The following POU2AF2 variants were observed in gnomAD, a reference collection of about 807,000 sequenced individuals.
The protein encoded by POU2AF2 is POU domain class 2-associating factor 2.
chr11:111,247,191 C>CACACAGAG, the POU2AF2 span, among the ~76,000 whole-genome samples: 1 of 144,762 alleles, frequency 6.9e-6, no homozygotes, highest in Non-Finnish European at 1.5e-5. Flanking sequence ...TACACACACA[C>CACACAGAG]AGAGAGAGAG....
the POU2AF2 span, chr11:111,284,145 G>A: frequency 1.9e-6 from 3 of 1,614,036 alleles, no homozygotes; most frequent in African/African-American, 4.0e-5. Flanking sequence ...TTCCACAACA[G>A]TAAACAGTTT....
At chr11:111,282,933 C>G in the POU2AF2 span, among the ~76,000 whole-genome samples, 6 of 152,100 alleles carry the variant, frequency 3.9e-5, no homozygotes, top group East Asian at 3.8e-4. Context: ...AACTGAGCTA[C>G]GGGGTCAGAA....
chr11:111,252,020 A>T, the POU2AF2 span, among the ~76,000 whole-genome samples: 1 of 152,278 alleles, frequency 6.6e-6, no homozygotes, highest in East Asian at 1.9e-4. Flanking sequence ...TTTTTGGCAT[A>T]CACATAAAGT....
At chr11:111,268,740 G>C in the POU2AF2 span, among the ~76,000 whole-genome samples, 1 of 151,520 alleles carries the variant, frequency 6.6e-6, no homozygotes. Context: ...TAGAGACGGG[G>C]TTTCACGGTA....
the POU2AF2 span, among the ~76,000 whole-genome samples, chr11:111,280,057 A>AAAAAAATATATATAT: frequency 3.0e-4 from 23 of 76,496 alleles, no homozygotes; most frequent in Non-Finnish European, 5.3e-4. Flanking sequence ...AAAAAAAAAA[A>AAAAAAATATATATAT]ATATATATAT....
the POU2AF2 span, among the ~76,000 whole-genome samples, chr11:111,267,835 T>C: frequency 1.3e-5 from 2 of 152,194 alleles, no homozygotes; most frequent in Non-Finnish European, 2.9e-5. Flanking sequence ...GGGAGAATAC[T>C]TTCCTTAAGG....
chr11:111,259,147 C>A, the POU2AF2 span, among the ~76,000 whole-genome samples: 2 of 152,156 alleles, frequency 1.3e-5, no homozygotes, highest in East Asian at 3.9e-4. Flanking sequence ...GTTTAAAGGG[C>A]ACTTTCTCAT....
At chr11:111,281,582 G>A in the POU2AF2 span, 17 of 917,846 alleles carry the variant, frequency 1.9e-5, no homozygotes, top group African/African-American at 8.4e-5. Flanking sequence ...CAAAATCAGC[G>A]AAGGACAGAA....
At chr11:111,247,915 G>T in the POU2AF2 span, among the ~76,000 whole-genome samples, 4 of 105,296 alleles carry the variant, frequency 3.8e-5, no homozygotes, top group East Asian at 3.0e-4. Flanking sequence ...GTCTCGCTTT[G>T]TCGCTCAGGC....
chr11:111,246,237 A>G, the POU2AF2 span, among the ~76,000 whole-genome samples: 28 of 152,338 alleles, frequency 1.8e-4, no homozygotes, highest in East Asian at 4.2e-3. Flanking sequence ...AACTATAGAG[A>G]AAGTGCAGAA....
At chr11:111,280,057 A>AAAAT in the POU2AF2 span, among the ~76,000 whole-genome samples, 2 of 76,498 alleles carry the variant, frequency 2.6e-5, no homozygotes, top group Non-Finnish European at 5.1e-5. Flanking sequence ...AAAAAAAAAA[A>AAAAT]ATATATATAT....
the POU2AF2 span, among the ~76,000 whole-genome samples, chr11:111,271,847 T>A: frequency 6.6e-6 from 1 of 151,772 alleles, no homozygotes; most frequent in Non-Finnish European, 1.5e-5. Flanking sequence ...ACCCCGTCTC[T>A]ACTAAATACA....
chr11:111,281,327 G>A, the POU2AF2 span: 2 of 1,298,496 alleles, frequency 1.5e-6, no homozygotes, highest in South Asian at 1.3e-5. Flanking sequence ...AGCTTATAAG[G>A]TGTATTCCTA....
At chr11:111,282,016 G>A in the POU2AF2 span, among the ~76,000 whole-genome samples, 1 of 152,046 alleles carries the variant, frequency 6.6e-6, no homozygotes, top group Non-Finnish European at 1.5e-5. Context: ...AAGAGCAATC[G>A]AGGATCCCGA....
chr11:111,276,458 A>ATATATATATATATG, the POU2AF2 span, among the ~76,000 whole-genome samples: 11 of 46,460 alleles, frequency 2.4e-4, no homozygotes, highest in Non-Finnish European at 4.9e-4. Flanking sequence ...AAAAAAATAT[A>ATATATATATATATG]TATATATATA....
chr11:111,268,477 T>TTTTTATTTTATTTTATTTTATTTTA, the POU2AF2 span, among the ~76,000 whole-genome samples: 16 of 77,518 alleles, frequency 2.1e-4, no homozygotes, highest in African/African-American at 5.2e-4. Context: ...CATTTTTCTT[T>TTTTTATTTTATTTTATTTTATTTTA]TTTTATTTTA....
chr11:111,265,637 C>T, the POU2AF2 span, among the ~76,000 whole-genome samples: 1 of 152,022 alleles, frequency 6.6e-6, no homozygotes, highest in Non-Finnish European at 1.5e-5. Flanking sequence ...CATATGGCAG[C>T]TTTTATGGTT....
the POU2AF2 span, among the ~76,000 whole-genome samples, chr11:111,246,805 T>G: frequency 2.0e-5 from 3 of 152,204 alleles, no homozygotes; most frequent in African/African-American, 7.2e-5. Context: ...TGTCACTTAG[T>G]TACTTTTTTG....
chr11:111,246,157 A>G, the POU2AF2 span, among the ~76,000 whole-genome samples: 1 of 152,256 alleles, frequency 6.6e-6, no homozygotes, highest in Non-Finnish European at 1.5e-5. Flanking sequence ...TAAAATAAGT[A>G]CTTGAATATC....
Sources: gnomAD v4.1 joint callset for allele counts (sites outside exome capture counted in the v4.1 genomes callset) on GRCh38, gnomAD v4.1.1 for gene constraint, MANE v1.5 for transcripts, NCBI Gene and HGNC (gene_info 2026-07-23, HGNC 2026-07-21) for gene names.